SPATS2: variants seen among roughly 807,000 people sequenced by gnomAD.
SPATS2 encodes the protein spermatogenesis associated serine rich 2, also known as spermatogenesis-associated serine-rich protein 2.
Under a neutral mutation model 63.7 loss-of-function variants are expected in SPATS2, and 38 were observed. That is an observed-to-expected ratio of 0.60 (90% CI 0.46 to 0.78). SPATS2 has a LOEUF of 0.78. Among genes scored for constraint, SPATS2 ranks in the 30% least tolerant of loss-of-function variants. The pLI, the probability that SPATS2 is intolerant of heterozygous loss-of-function variation, is 0.00. For synonymous variants in SPATS2, 207 were observed against 232.9 expected, an observed-to-expected ratio of 0.89 and a Z score of 1.01; for missense variants, 588 against 666.2, an observed-to-expected ratio of 0.88 and a Z score of 1.29.
intron 1 of SPATS2, among the ~76,000 whole-genome samples, chr12:49,368,599 T>A (rs990665854): frequency 1.3e-5 from 2 of 152,304 alleles, no homozygotes; most frequent in South Asian, 4.1e-4. Context: ...TGGGAGAGAG[T>A]TGGGGTTCTG....
At chr12:49,525,008 GT>G in intron 13 of SPATS2, 112 bp downstream of exon 13, 1 of 1,071,860 alleles carries the variant, frequency 9.3e-7, no homozygotes. Flanking sequence ...TTCCATGCCT[GT>G]TTTGAATCCC....
intron 3 of SPATS2, among the ~76,000 whole-genome samples, chr12:49,471,865 T>A (rs1444299744): frequency 2.0e-5 from 3 of 152,166 alleles, no homozygotes; most frequent in Non-Finnish European, 2.9e-5. Flanking sequence ...TAAGTGAGAT[T>A]AAGCTGGGTG....
Position 49,465,777 on chromosome 12 carries a change from C to T in SPATS2, c.25+4740C>T, listed in dbSNP as rs113010402. ...TGGCCAACCTGGCGAAACCCTGTCT[C>T]TACTAAAAATACAAAAATTAGCTGG... On this transcript the variant is annotated intron_variant, in intron 3 of 13. Coordinates refer to ENST00000552918, the MANE Select transcript of SPATS2 (RefSeq NM_023071.4). 7.4e-3 allele frequency among the ~76,000 whole-genome samples: 1,127 copies of T among 152,228 alleles called. 10 individuals carry two copies. Among genetic ancestry groups the T allele is most frequent in the African/African-American group, 0.026 (1,063 of 41,532 alleles).
At chr12:49,460,401 G>A (rs1408436645) in intron 2 of SPATS2, among the ~76,000 whole-genome samples, 2 of 152,070 alleles carry the variant, frequency 1.3e-5, no homozygotes, top group Non-Finnish European at 2.9e-5. Flanking sequence ...TTGCAATGAG[G>A]AGCCAAGATC....
In SPATS2 at chr12:49,524,678, T is replaced by A; in HGVS notation, c.1112-4T>A. The stretch of plus-strand genomic sequence containing the variant: ...ATCATATATTCCTCATATTTCTGTT[T>A]CAGTGTCTCATCCAAAGAACAGCTA... On this transcript the variant is annotated splice_region_variant and splice_polypyrimidine_tract_variant and intron_variant, in intron 12 of 13. Coordinates refer to ENST00000552918, the MANE Select transcript of SPATS2 (RefSeq NM_023071.4). 1 of 1,614,146 alleles carries A rather than the reference T, an allele frequency of 6.2e-7. No homozygotes were observed. The highest frequency in any genetic ancestry group is 2.2e-5 in the East Asian group (1 of 44,892).
intron 8 of SPATS2, among the ~76,000 whole-genome samples, chr12:49,498,382 TG>T (rs1476613839): frequency 3.9e-5 from 6 of 152,138 alleles, no homozygotes; most frequent in South Asian, 4.1e-4. Flanking sequence ...TAAAATGTGT[TG>T]AGTAGGTAAA....
At chr12:49,385,693 A>G (rs1002170106) in intron 2 of SPATS2, among the ~76,000 whole-genome samples, 3 of 151,988 alleles carry the variant, frequency 2.0e-5, no homozygotes, top group Admixed American at 6.6e-5. Flanking sequence ...GAGGAGGGTG[A>G]TGGAGGTTTG....
At chr12:49,375,009 G>C (rs1022714597) in intron 2 of SPATS2, among the ~76,000 whole-genome samples, 2 of 147,492 alleles carry the variant, frequency 1.4e-5, no homozygotes, top group African/African-American at 5.1e-5. Context: ...TGGAGGTTTT[G>C]GGGGATCTCC....
chr12:49,436,755 C>G (rs1358655201), intron 2 of SPATS2, among the ~76,000 whole-genome samples: 6 of 146,788 alleles, frequency 4.1e-5, no homozygotes, highest in Admixed American at 2.0e-4. Context: ...ACATCCTTCC[C>G]GGACAGGGCG....
chr12:49,384,112 T>A (rs1280835785), intron 2 of SPATS2, among the ~76,000 whole-genome samples: 3 of 152,166 alleles, frequency 2.0e-5, no homozygotes, highest in Non-Finnish European at 4.4e-5. Flanking sequence ...TGATTTGGAT[T>A]CCTCCAGTTT....
chr12:49,403,030 G>A (rs1429238801), intron 2 of SPATS2, among the ~76,000 whole-genome samples: 2 of 152,168 alleles, frequency 1.3e-5, no homozygotes, highest in Non-Finnish European at 2.9e-5. Flanking sequence ...CAGGAATTGA[G>A]GAGGAGTGGA....
intron 2 of SPATS2, among the ~76,000 whole-genome samples, chr12:49,447,951 G>T (rs1945545272): frequency 6.6e-6 from 1 of 151,474 alleles, no homozygotes; most frequent in African/African-American, 2.4e-5. Context: ...TTGATTGATT[G>T]TGGTCTAATC....
rs1047598994 is a variant in SPATS2 at position 49,401,376 on chromosome 12, A to AT, written c.-244+30094dup. 5.9e-5 allele frequency among the ~76,000 whole-genome samples: 9 copies of AT among 152,086 alleles called. No individual in the cohort carries two copies. In the South Asian group the frequency reaches 1.5e-3, roughly 25 times the overall value. The stretch of plus-strand genomic sequence containing the variant: ...AGGCATAGAGTAGATGGACAGCTGC[A>AT]TTTTTTTTAAACATGTTATTCAGGA... On this transcript the variant is annotated intron_variant, in intron 2 of 13. Transcript: ENST00000552918.
chr12:49,485,476 C>T lies in SPATS2; in HGVS notation c.105+807C>T, dbSNP rs573705254. On this transcript the variant is annotated intron_variant, in intron 4 of 13. Transcript: ENST00000552918. Reference sequence around the variant, plus strand: ...TCCTGGGTTCAAGTGATTCTTGTGCCTCAGCCTCCTGAGTAGCTGGGATTA... The same window carrying T: ...TCCTGGGTTCAAGTGATTCTTGTGCTTCAGCCTCCTGAGTAGCTGGGATTA... Among the ~76,000 whole-genome samples the T allele has an allele frequency of 1.1e-4, 17 of 152,122 alleles. 1 individual carries two copies. Among genetic ancestry groups the T allele is most frequent in the African/African-American group, 4.1e-4 (17 of 41,502 alleles).
chr12:49,374,958 CAAAA>C (rs10687716), intron 2 of SPATS2, among the ~76,000 whole-genome samples: 6 of 24,742 alleles, frequency 2.4e-4, no homozygotes, highest in Admixed American at 5.1e-4. Context: ...GGATCTGTCT[CAAAA>C]AAAAAAAAAA....
chr12:49,520,413 C>G (rs912458409), intron 11 of SPATS2, among the ~76,000 whole-genome samples: 1 of 152,022 alleles, frequency 6.6e-6, no homozygotes, highest in African/African-American at 2.4e-5. Context: ...CCACCGCGCC[C>G]GGCCCAGTTA....
chr12:49,390,544 A>G (rs961562127), intron 2 of SPATS2, among the ~76,000 whole-genome samples: 2 of 152,224 alleles, frequency 1.3e-5, no homozygotes, highest in African/African-American at 4.8e-5. Flanking sequence ...TGTTTTGTGA[A>G]TGGAAGATTT....
At chr12:49,516,138 CAAAAAAAAA>C (rs57936702) in intron 10 of SPATS2, among the ~76,000 whole-genome samples, 21 of 3,464 alleles carry the variant, frequency 6.1e-3, no homozygotes, top group African/African-American at 6.2e-3. Flanking sequence ...GACTCCATCT[CAAAAAAAAA>C]AAAAAAAAAA....
intron 6 of SPATS2, among the ~76,000 whole-genome samples, chr12:49,493,169 A>G (rs545280730): frequency 1.8e-4 from 28 of 152,188 alleles, no homozygotes; most frequent in African/African-American, 6.5e-4. Context: ...CTAGAGTTCA[A>G]TCATGTTTCT....
Sources: allele counts gnomAD v4.1 joint callset (sites outside exome capture counted in the v4.1 genomes callset), GRCh38; gene constraint gnomAD v4.1.1; transcripts MANE v1.5; gene names NCBI Gene and HGNC (gene_info 2026-07-23, HGNC 2026-07-21).